The following TNKS variants were observed in gnomAD, a reference collection of about 807,000 sequenced individuals.
The protein encoded by TNKS is poly [ADP-ribose] polymerase tankyrase-1.
A neutral mutation model predicts 135.8 loss-of-function variants in TNKS; 72 were observed. The ratio of observed to expected loss-of-function variants is 0.53; its 90% confidence interval spans 0.44 to 0.64. The LOEUF (loss-of-function observed/expected upper bound fraction) is 0.64, where lower values mean the gene tolerates loss of function less well. TNKS is among the 30% of genes least tolerant of loss of function. TNKS has a pLI of 0.00. For synonymous variants in TNKS, 849 were observed against 649.3 expected (o/e 1.31, Z -4.68); for missense variants, 1,769 against 1,674.0 (o/e 1.06, Z -0.99).
intron 3 of TNKS, among the ~76,000 whole-genome samples, chr8:9,615,948 C>T (rs186830776): frequency 1.9e-4 from 29 of 152,188 alleles, no homozygotes; most frequent in Admixed American, 3.3e-4. Context: ...TGGTTTATAT[C>T]ATAATTTTTC....
chr8:9,721,298 T>TATATATATATATA (rs1554477764), intron 12 of TNKS, among the ~76,000 whole-genome samples: 1 of 118,154 alleles, frequency 8.5e-6, no homozygotes, highest in Non-Finnish European at 1.8e-5. Context: ...AATAAATAAA[T>TATATATATATATA]TATATATATA....
intron 1 of TNKS, among the ~76,000 whole-genome samples, chr8:9,569,674 C>G (rs1031079804): frequency 6.6e-6 from 1 of 152,122 alleles, no homozygotes; most frequent in Admixed American, 6.5e-5. Context: ...ACATTGAAAA[C>G]TTTTTAGTTG....
chr8:9,690,222 TCTG>T (rs1019974024), intron 5 of TNKS, among the ~76,000 whole-genome samples: 7 of 152,212 alleles, frequency 4.6e-5, no homozygotes, highest in African/African-American at 1.7e-4. Context: ...TTTTAATTCT[TCTG>T]CTGATTCTGA....
intron 3 of TNKS, among the ~76,000 whole-genome samples, chr8:9,628,418 C>CT (rs1014942047): frequency 6.6e-6 from 1 of 152,104 alleles, no homozygotes; most frequent in Non-Finnish European, 1.5e-5. Flanking sequence ...CCGTTGGCCA[C>CT]TTTCTCGTGG....
intron 26 of TNKS, among the ~76,000 whole-genome samples, chr8:9,773,730 A>G (rs1427261856): frequency 1.3e-5 from 2 of 152,062 alleles, no homozygotes; most frequent in African/African-American, 2.4e-5. Flanking sequence ...GAAAGAAAAA[A>G]AAAATGCCTA....
chr8:9,635,921 T>C (rs778228906), intron 3 of TNKS, among the ~76,000 whole-genome samples: 30 of 152,204 alleles, frequency 2.0e-4, no homozygotes, highest in Non-Finnish European at 4.0e-4. Flanking sequence ...AGAAAAATGC[T>C]ATAAAGGCTA....
At chr8:9,579,416 G>T (rs894108689) in intron 1 of TNKS, among the ~76,000 whole-genome samples, 2 of 152,076 alleles carry the variant, frequency 1.3e-5, no homozygotes, top group Non-Finnish European at 2.9e-5. Context: ...ATACAATGCT[G>T]TGTGTTGTGA....
chr8:9,650,516 A>G (rs773685884), intron 3 of TNKS, among the ~76,000 whole-genome samples: 65 of 152,172 alleles, frequency 4.3e-4, no homozygotes, highest in Admixed American at 2.6e-4. Flanking sequence ...CCATACTTGC[A>G]GAAGTAAGAT....
At chr8:9,707,137 C>G in intron 8 of TNKS, 140 bp downstream of exon 8, 2 of 729,812 alleles carry the variant, frequency 2.7e-6, no homozygotes, top group South Asian at 5.1e-5. Context: ...GTATACTTTT[C>G]TTCATGAATT....
At chr8:9,746,113 T>C (rs894519804) in intron 17 of TNKS, among the ~76,000 whole-genome samples, 7 of 152,134 alleles carry the variant, frequency 4.6e-5, no homozygotes, top group African/African-American at 1.4e-4. Context: ...ATGATGTGCT[T>C]TTGAGTTAAT....
At position 9,761,615 on chromosome 8, in the gene TNKS, A is replaced by C; in HGVS notation, c.3253A>C (p.Arg1085=). The C allele has an allele frequency of 1.3e-6, 2 of 1,597,184 alleles. No individual in the cohort carries two copies. The highest frequency in any genetic ancestry group is 1.7e-6 in the Non-Finnish European group (2 of 1,176,254). Residue 1085 remains arginine, a synonymous_variant, in exon 21 of 27, where the codon AGA becomes CGA. Coordinates refer to ENST00000310430, the MANE Select transcript of TNKS (RefSeq NM_003747.3). ...HRHKLIKGVE[R]LLGGQQGTNP... ...CCACAAATTAATCAAAGGAGTAGAA[A>C]GACTCTTAGGTGGACAACAAGGTAA...
chr8:9,706,522 A>T (rs536098388), intron 7 of TNKS, among the ~76,000 whole-genome samples: 7 of 152,204 alleles, frequency 4.6e-5, no homozygotes, highest in Non-Finnish European at 7.4e-5. Context: ...GCCACCACGC[A>T]CAGCTAATTT....
chr8:9,586,038 A>C (rs576268204), intron 2 of TNKS, among the ~76,000 whole-genome samples: 373 of 152,282 alleles, frequency 2.4e-3, no homozygotes, highest in African/African-American at 8.5e-3. Flanking sequence ...TACGTGAAAC[A>C]CCCTTGTACA....
intron 3 of TNKS, among the ~76,000 whole-genome samples, chr8:9,626,257 G>A (rs996814460): frequency 6.6e-6 from 1 of 151,962 alleles, no homozygotes; most frequent in African/African-American, 2.4e-5. Flanking sequence ...CAGATTTTTC[G>A]ATTCTTTTAC....
chr8:9,606,760 A>G (rs1267556932), intron 2 of TNKS, among the ~76,000 whole-genome samples: 1 of 152,080 alleles, frequency 6.6e-6, no homozygotes, highest in Non-Finnish European at 1.5e-5. Context: ...TTTTTTATTC[A>G]GTAGTGGACA....
Position 9,777,004 on chromosome 8 carries a change from C to T in TNKS, c.*268C>T, listed in dbSNP as rs910777751. On this transcript the variant is annotated 3_prime_UTR_variant, in exon 27 of 27. Coordinates refer to ENST00000310430, the MANE Select transcript of TNKS (RefSeq NM_003747.3). ...TCATTGCAATTATCCATTTCTAAAA[C>T]AAGATTGCTTCGATCTAGACTTGGA... 1 of 424,910 alleles carries T rather than the reference C, an allele frequency of 2.4e-6. No individual in the cohort carries two copies. Among genetic ancestry groups the T allele is most frequent in the Non-Finnish European group, 4.2e-6 (1 of 235,836 alleles). The allele number at this position is 424,910 out of a possible 1,614,324, so 26.3% of individuals were successfully genotyped here.
Position 9,706,798 on chromosome 8 carries a change from T to C in TNKS, c.1270-13T>C, listed in dbSNP as rs201930594. On this transcript the variant is annotated splice_polypyrimidine_tract_variant and intron_variant, in intron 7 of 26. Coordinates refer to ENST00000310430, the MANE Select transcript of TNKS (RefSeq NM_003747.3). ...ATGATTACTGACCTAAAATGTTTTT[T>C]TTCTCAATTCAGCATGGAGCTTGTG... is the stretch of plus-strand genomic sequence containing the variant. 99 of 1,584,856 alleles carry C rather than the reference T, an allele frequency of 6.2e-5. No homozygotes were observed. The highest frequency in any genetic ancestry group is 8.0e-5 in the Non-Finnish European group (94 of 1,172,020).
rs140760765 is a variant in TNKS, at chr8:9,706,974, C to T, written c.1433C>T (p.Pro478Leu). 166 of 1,605,108 alleles carry T rather than the reference C, an allele frequency of 1.0e-4. 1 individual carries two copies. The highest frequency in any genetic ancestry group is 1.7e-4 in the Middle Eastern group (1 of 6,044). Residue 478 changes from proline (P) to leucine (L), a missense_variant, in exon 8 of 27, where the codon CCG becomes CTG. By Grantham distance (98) the Pro-to-Leu change is moderately conservative. Around this residue, in one of 5 missense-constraint regions of TNKS, gnomAD observed 523 missense variants for 541.0 expected, o/e 0.97. Transcript: ENST00000310430. Reference sequence around the variant, plus strand: ...AGTGCTGTGGATATGGCTCCAACTCCGGAGCTTAGGGAGAGATTGACTTGT... The same window carrying T: ...AGTGCTGTGGATATGGCTCCAACTCTGGAGCTTAGGGAGAGATTGACTTGT... Reference protein sequence around the residue: ...GKSAVDMAPTPELRERLTYEF... With the variant: ...GKSAVDMAPTLELRERLTYEF...
chr8:9,555,966 T>A lies in TNKS; in HGVS notation c.27T>A (p.His9Gln), dbSNP rs200583768. The A allele has an allele frequency of 1.7e-5, 27 of 1,613,284 alleles. No homozygotes were observed. Among genetic ancestry groups the A allele is most frequent in the Non-Finnish European group, 2.1e-5 (25 of 1,179,796 alleles). MAASRRSQ[H>Q]HHHHHQQQLQ... ...TGGCGGCGTCGCGTCGCTCTCAGCA[T>A]CATCACCACCATCATCAACAACAGC... Residue 9 changes from histidine to glutamine, a missense_variant, in exon 1 of 27, where the codon CAT becomes CAA. By Grantham distance (24) the His-to-Gln change is conservative (BLOSUM62 0). Around this residue, in one of 5 missense-constraint regions of TNKS, gnomAD observed 450 missense variants for 304.9 expected, o/e 1.48. Coordinates refer to ENST00000310430, the MANE Select transcript of TNKS (RefSeq NM_003747.3).
Sources: allele counts gnomAD v4.1 joint callset (sites outside exome capture counted in the v4.1 genomes callset), GRCh38; gene constraint gnomAD v4.1.1; regional missense constraint gnomAD v4.1.1; transcripts MANE v1.5; gene names NCBI Gene and HGNC (gene_info 2026-07-23, HGNC 2026-07-21).